DGKZ: variants seen among roughly 807,000 people sequenced by gnomAD.
The protein encoded by DGKZ is DAG kinase zeta.
DGKZ carries 45 observed loss-of-function variants against 142.5 expected under a neutral mutation model. The ratio of observed to expected loss-of-function variants is 0.32; its 90% CI spans 0.25 to 0.40. The LOEUF is 0.40. Among genes scored for constraint, DGKZ ranks in the 10% least tolerant of loss-of-function variants. The pLI, the probability that DGKZ is intolerant of heterozygous loss-of-function variation, is 1.00. For synonymous variants in DGKZ, 442 were observed against 527.0 expected, an observed-to-expected ratio of 0.84 and a Z score of 2.21; for missense variants, 755 against 1,306.5, an observed-to-expected ratio of 0.58 and a Z score of 6.51.
chr11:46,366,048 C>G (rs1348420024), intron 1 of DGKZ: 9 of 985,236 alleles, frequency 9.1e-6, no homozygotes, highest in Non-Finnish European at 4.8e-6. Flanking sequence ...CCCCTGGGAT[C>G]CTCACATGGA....
intron 4 of DGKZ, chr11:46,368,810 C>A: frequency 6.1e-6 from 1 of 165,052 alleles, no homozygotes; most frequent in Non-Finnish European, 1.3e-5. Context: ...ACCTAGGGTT[C>A]CACAAATTAG....
In DGKZ at chr11:46,376,565, G is replaced by A; in HGVS notation, c.2202+1G>A. The A allele has an allele frequency of 6.2e-7, 1 of 1,613,470 alleles. No homozygotes were observed. The highest frequency in any genetic ancestry group is 8.5e-7 in the Non-Finnish European group (1 of 1,179,994). Reference sequence around the variant, plus strand: ...CTTCTACAGGATCGACCGAGCCCAGGTGAGCGATTGCAGGCCTGCTCCAGC... The same window carrying A: ...CTTCTACAGGATCGACCGAGCCCAGATGAGCGATTGCAGGCCTGCTCCAGC... On this transcript the variant is annotated splice_donor_variant, in intron 24 of 30. Transcript: ENST00000527911. LOFTEE classifies it high-confidence loss of function.
upstream of DGKZ, chr11:46,345,439 C>G (rs746680374): frequency 1.4e-6 from 2 of 1,467,292 alleles, no homozygotes; most frequent in East Asian, 5.8e-5. The surrounding 1 kb of genome is among the most constrained non-coding windows in gnomAD (Gnocchi z 4.1). Flanking sequence ...GCCACAGTGC[C>G]GGGGGAAGCT....
chr11:46,379,731 C>T (rs1945005619), intron 30 of DGKZ, 100 bp from the exon 31 acceptor site: 6 of 1,358,678 alleles, frequency 4.4e-6, no homozygotes, highest in Non-Finnish European at 5.0e-6. Flanking sequence ...AGGCCTCCCT[C>T]CCTGACCAGG....
intron 1 of DGKZ, among the ~76,000 whole-genome samples, chr11:46,359,823 G>C (rs1590484285): frequency 7.7e-6 from 1 of 130,132 alleles, no homozygotes; most frequent in East Asian, 2.2e-4. Context: ...TTGCCATGTT[G>C]GCCAGACTGG....
chr11:46,374,926 C>G lies in DGKZ; in HGVS notation c.1599-8C>G. The G allele has an allele frequency of 6.3e-7, 1 of 1,586,680 alleles. No homozygotes were observed. Among genetic ancestry groups the G allele is most frequent in the Non-Finnish European group, 8.6e-7 (1 of 1,162,334 alleles). On this transcript the variant is annotated splice_polypyrimidine_tract_variant and splice_region_variant and intron_variant, in intron 18 of 30. Coordinates refer to ENST00000527911, the Ensembl canonical transcript of DGKZ. ...TTTTGAGGCCCATGTCATCGCCCGC[C>G]TTTGCAGGTACTGTGCGGGCACCAT...
At chr11:46,364,495 G>A in intron 1 of DGKZ, 1 of 1,237,324 alleles carries the variant, frequency 8.1e-7, no homozygotes, top group Admixed American at 2.7e-5. Flanking sequence ...GGCACTATTT[G>A]GGGTCATAAG....
intron 14 of DGKZ, among the ~76,000 whole-genome samples, chr11:46,373,747 C>T (rs1945338698): frequency 6.6e-6 from 1 of 152,192 alleles, no homozygotes; most frequent in South Asian, 2.1e-4. Flanking sequence ...ATCCATCTGC[C>T]TCGGCCTCCC....
chr11:46,347,800 G>A lies in DGKZ; in HGVS notation c.141G>A (p.Gly47=), dbSNP rs1200476659. ...GACTCAACAAGCGGCGCTTCCCGGG[G>A]CTGCGGCTCTTCGGGCACAGGTGAG... The change falls in exon 1 of 31, where the codon GGG becomes GGA. Residue 47 remains glycine (G), a synonymous_variant. Coordinates refer to ENST00000527911, the Ensembl canonical transcript of DGKZ. The surrounding 1 kb of genome is among the most constrained non-coding windows in gnomAD (Gnocchi z 6.4). The A allele has an allele frequency of 1.5e-6, 2 of 1,334,008 alleles. No homozygotes were observed. Among genetic ancestry groups the A allele is most frequent in the Non-Finnish European group, 1.9e-6 (2 of 1,039,128 alleles). 82.6% of individuals were successfully genotyped at this position (1,334,008 alleles called of 1,614,324 possible).
In DGKZ at chr11:46,347,775, G is replaced by T. The variant is rs1940835191; in HGVS notation, c.116G>T (p.Arg39Leu). The T allele has an allele frequency of 3.6e-6, 5 of 1,404,494 alleles. No homozygotes were observed. The highest frequency in any genetic ancestry group is 1.5e-5 in the African/African-American group (1 of 66,198). The allele number at this position is 1,404,494 out of a possible 1,614,324, so 87.0% of individuals were successfully genotyped here. A position where few individuals can be genotyped will look rare whatever the true frequency, so the allele number is the denominator to read the frequency against. ...CCCGAGCCGGACAAGGCGCCGCGGC[G>T]ACTCAACAAGCGGCGCTTCCCGGGG... Residue 39 changes from arginine (R) to leucine (L), a missense_variant, in exon 1 of 31, where the codon CGA (arginine) becomes CTA (leucine). Physicochemically the swap from Arg to Leu is moderately radical, Grantham distance 102. This residue lies in a region of DGKZ where 28 missense variants were observed against 92.8 expected (regional missense o/e 0.30). Transcript: ENST00000527911. This position sits in a 1 kb window ranked among gnomAD's most constrained non-coding sequence, Gnocchi z 6.4.
At chr11:46,333,244 C>T (rs1939856857) in exon 1 of DGKZ, 1 of 1,245,022 alleles carries the variant, frequency 8.0e-7, no homozygotes, top group Non-Finnish European at 1.0e-6. Flanking sequence ...CCCGAAAGGC[C>T]GCAGGAGCCG....
At chr11:46,352,972 C>T (rs1233458835) in intron 1 of DGKZ, among the ~76,000 whole-genome samples, 4 of 152,250 alleles carry the variant, frequency 2.6e-5, no homozygotes, top group African/African-American at 9.6e-5. Flanking sequence ...CACCCCCTGC[C>T]TCGCTGAAAC....
rs562878648 is a variant in DGKZ, at chr11:46,379,658, T to G, written c.2688+90T>G. On this transcript the variant is annotated intron_variant, in intron 30 of 30. Transcript: ENST00000527911. ...GGGAGCTGGGGCTGGGGGCTGTCCCTGGGAAGACACAGTCCAGACCCTGGG... is the reference window on the plus strand; with the variant it reads ...GGGAGCTGGGGCTGGGGGCTGTCCCGGGGAAGACACAGTCCAGACCCTGGG... 40 of 1,352,088 alleles carry G rather than the reference T, an allele frequency of 3.0e-5. No homozygotes were observed. The African/African-American group carries it at 3.3e-4, about 11-fold the overall frequency. 83.8% of individuals were successfully genotyped at this position (1,352,088 alleles called of 1,614,324 possible). A position where few individuals can be genotyped will look rare whatever the true frequency, so the allele number is the denominator to read the frequency against.
chr11:46,333,375 G>C, exon 1 of DGKZ: 1 of 1,389,794 alleles, frequency 7.2e-7, no homozygotes, highest in Non-Finnish European at 9.3e-7. Flanking sequence ...CCGGCGCGGG[G>C]AGGAGGCCCA....
At chr11:46,341,423 G>T (rs1940271062) in intron 1 of DGKZ, among the ~76,000 whole-genome samples, 1 of 152,244 alleles carries the variant, frequency 6.6e-6, no homozygotes, top group Non-Finnish European at 1.5e-5. Context: ...AGCAGGTGGG[G>T]TGGAATGCCA....
At chr11:46,361,218 G>A (rs576694433) in intron 1 of DGKZ, among the ~76,000 whole-genome samples, 3 of 152,340 alleles carry the variant, frequency 2.0e-5, no homozygotes, top group South Asian at 4.1e-4. Flanking sequence ...CTGTCCAGTG[G>A]GCGTGAGAAG....
chr11:46,366,262 G>C (rs1408411854), intron 1 of DGKZ: 1 of 1,577,948 alleles, frequency 6.3e-7, no homozygotes, highest in Non-Finnish European at 8.5e-7. Context: ...CTGCCATGGA[G>C]ACTTTCTTTA....
At chr11:46,365,664 A>G (rs754081513) in intron 1 of DGKZ, 89 of 985,240 alleles carry the variant, frequency 9.0e-5, no homozygotes, top group Non-Finnish European at 1.0e-4. Flanking sequence ...GGGTCCTGTC[A>G]GGATTAAGTT....
chr11:46,343,960 T>C (rs1940406948), upstream of DGKZ, among the ~76,000 whole-genome samples: 1 of 152,078 alleles, frequency 6.6e-6, no homozygotes, highest in African/African-American at 2.4e-5. Flanking sequence ...CACATCTTTT[T>C]TTTTTTTTAG....
Sources: gnomAD v4.1 joint callset for allele counts (sites outside exome capture counted in the v4.1 genomes callset) on GRCh38, gnomAD v4.1.1 for gene constraint, gnomAD v4.1.1 regional missense constraint, Gnocchi (gnomAD v3.1) non-coding constraint, MANE v1.5 for transcripts, NCBI Gene and HGNC (gene_info 2026-07-23, HGNC 2026-07-21) for gene names.